The following LCMT1 variants were observed in gnomAD, a reference collection of about 807,000 sequenced individuals.
LCMT1 encodes the protein leucine carboxyl methyltransferase 1, also known as [Phosphatase 2A protein]-leucine-carboxy methyltransferase 1.
LCMT1 carries 32 observed loss-of-function variants against 47.7 expected under a neutral mutation model. The ratio of observed to expected loss-of-function variants is 0.67; its 90% CI spans 0.51 to 0.90. The LOEUF is 0.90. LCMT1 is among the 40% of genes least tolerant of loss of function. The probability of loss-of-function intolerance (pLI) is 0.00; values close to 1 mark genes in which losing one functional copy is unlikely to be tolerated. For synonymous variants in LCMT1, 152 were observed against 149.7 expected, an observed-to-expected ratio of 1.02 and a Z score of -0.11; for missense variants, 375 against 415.2, an observed-to-expected ratio of 0.90 and a Z score of 0.84.
intron 1 of LCMT1, among the ~76,000 whole-genome samples, chr16:25,115,485 C>T (rs533034955): frequency 7.2e-5 from 11 of 152,316 alleles, no homozygotes; most frequent in Admixed American, 3.3e-4. Context: ...CTTAACAGAA[C>T]CTGACTATCC....
chr16:25,126,541 T>A (rs1319518821), intron 1 of LCMT1, among the ~76,000 whole-genome samples: 1 of 152,178 alleles, frequency 6.6e-6, no homozygotes, highest in Non-Finnish European at 1.5e-5. Flanking sequence ...TTCCTCATCA[T>A]CTTGTAATTA....
intron 1 of LCMT1, among the ~76,000 whole-genome samples, chr16:25,117,073 G>T (rs1362300392): frequency 1.3e-5 from 2 of 152,150 alleles, no homozygotes; most frequent in African/African-American, 4.8e-5. Flanking sequence ...AAGGTCCCAA[G>T]GAGTATGGGT....
chr16:25,161,009 C>A, intron 5 of LCMT1, 93 bp from the exon 6 acceptor site: 2 of 700,506 alleles, frequency 2.9e-6, no homozygotes, highest in Non-Finnish European at 4.7e-6. Context: ...AACAATGATG[C>A]ATGTATTTTT....
intron 1 of LCMT1, among the ~76,000 whole-genome samples, chr16:25,121,167 C>T (rs1427410527): frequency 1.3e-5 from 2 of 151,934 alleles, no homozygotes; most frequent in Non-Finnish European, 2.9e-5. Flanking sequence ...GTGGCTCACG[C>T]CTGTAATCCC....
chr16:25,129,608 T>C (rs1657717568), intron 2 of LCMT1, among the ~76,000 whole-genome samples: 1 of 152,218 alleles, frequency 6.6e-6, no homozygotes, highest in Non-Finnish European at 1.5e-5. Flanking sequence ...CTACACTAAT[T>C]GGATAAATAT....
At chr16:25,165,504 T>A (rs1961561815) in intron 7 of LCMT1, among the ~76,000 whole-genome samples, 2 of 149,264 alleles carry the variant, frequency 1.3e-5, no homozygotes, top group Admixed American at 6.8e-5. Context: ...TGTTTCTTTC[T>A]TTCTTTTCTT....
intron 8 of LCMT1, among the ~76,000 whole-genome samples, chr16:25,169,757 CT>C (rs71156487): frequency 1.3e-5 from 2 of 151,646 alleles, no homozygotes; most frequent in Admixed American, 6.6e-5. Context: ...TTTAAAAAAC[CT>C]TTTTTTTATA....
At chr16:25,143,602 C>T (rs758640960) in intron 4 of LCMT1, 1 of 152,058 alleles carries the variant, frequency 6.6e-6, no homozygotes, top group Non-Finnish European at 1.5e-5. Flanking sequence ...ATATTTGTAC[C>T]CTAGATTTGG....
chr16:25,128,738 G>A (rs1025225131), intron 2 of LCMT1, among the ~76,000 whole-genome samples, 172 bp downstream of exon 2: 1 of 151,830 alleles, frequency 6.6e-6, no homozygotes, highest in Admixed American at 6.6e-5. Flanking sequence ...GCCATAAAAA[G>A]GAATGAGATC....
intron 9 of LCMT1, 31 bp downstream of exon 9, chr16:25,170,836 G>C: frequency 1.4e-6 from 2 of 1,435,792 alleles, no homozygotes; most frequent in Non-Finnish European, 1.9e-6. Flanking sequence ...AGCTTGATGG[G>C]CATTCATTGT....
chr16:25,142,238 G>A (rs1284713675), intron 4 of LCMT1: 1 of 152,198 alleles, frequency 6.6e-6, no homozygotes, highest in Non-Finnish European at 1.5e-5. Flanking sequence ...TTGGCATGGG[G>A]GAAAAGATAG....
In LCMT1 at chr16:25,169,158, G is replaced by GT. The variant is rs1567328589; in HGVS notation, c.737_738insT (p.Arg247GlufsTer5). ...GGGCAGATCATGATTGAAAACCTGCGGAGACGCCAGTGTGACCTGGCGGGA... is the reference window on the plus strand; with the variant it reads ...GGGCAGATCATGATTGAAAACCTGCGTGAGACGCCAGTGTGACCTGGCGGGA... On this transcript the variant is annotated frameshift_variant, in exon 8 of 11. Coordinates refer to ENST00000399069, the MANE Select transcript of LCMT1 (RefSeq NM_016309.3). LOFTEE classifies it high-confidence loss of function. 1 of 1,613,628 alleles carries GT rather than the reference G, an allele frequency of 6.2e-7. No individual in the cohort carries two copies. The highest frequency in any genetic ancestry group is 1.7e-5 in the Admixed American group (1 of 60,020).
intron 10 of LCMT1, among the ~76,000 whole-genome samples, chr16:25,177,106 G>A (rs1055054174): frequency 1.3e-5 from 2 of 149,150 alleles, no homozygotes; most frequent in Non-Finnish European, 3.0e-5. Flanking sequence ...CTTGAACCCG[G>A]GAGGCAGAAG....
Position 25,155,475 on chromosome 16 carries a change from A to G in LCMT1, c.466+3860A>G, listed in dbSNP as rs573741860. On this transcript the variant is annotated intron_variant, in intron 5 of 10. Coordinates refer to ENST00000399069, the MANE Select transcript of LCMT1 (RefSeq NM_016309.3). ...GACAGGAGGATACCTTTAGCCCAGG[A>G]GTTGTAGGCTACAGAGAGCTGTGAT... 2.0e-4 allele frequency among the ~76,000 whole-genome samples: 30 copies of G among 152,048 alleles called. No homozygotes were observed. The South Asian group carries it at 6.2e-3, about 32-fold the overall frequency.
At chr16:25,161,843 G>A (rs1215581878) in intron 6 of LCMT1, among the ~76,000 whole-genome samples, 10 of 151,564 alleles carry the variant, frequency 6.6e-5, no homozygotes, top group Non-Finnish European at 2.9e-5. Context: ...CAGAAAAATG[G>A]GCAAAATATA....
At chr16:25,156,754 C>G (rs1961267707) in intron 5 of LCMT1, among the ~76,000 whole-genome samples, 1 of 152,126 alleles carries the variant, frequency 6.6e-6, no homozygotes, top group Non-Finnish European at 1.5e-5. Context: ...TAGAACTTAC[C>G]ACACTTGCCC....
At chr16:25,112,035 G>A (rs774094193) in intron 1 of LCMT1, 39 bp downstream of exon 1, 1 of 1,418,834 alleles carries the variant, frequency 7.0e-7, no homozygotes, top group Non-Finnish European at 9.9e-7. Flanking sequence ...GGCATCTGGG[G>A]CGCGGGCCTA....
rs558577308 is a variant in LCMT1, at chr16:25,170,445, G to A, written c.793-269G>A. ...AGGATGGGCTTTTGAGAAAGGAGTC[G>A]TCTCAGAGGAGGTCTGGTGTGCTTA... On this transcript the variant is annotated intron_variant, in intron 8 of 10. Coordinates refer to ENST00000399069, the MANE Select transcript of LCMT1 (RefSeq NM_016309.3). 7.9e-5 allele frequency among the ~76,000 whole-genome samples: 12 copies of A among 152,176 alleles called. No homozygotes were observed. The South Asian group carries it at 1.5e-3, about 18-fold the overall frequency.
intron 10 of LCMT1, among the ~76,000 whole-genome samples, chr16:25,175,363 C>T (rs1007882781): frequency 2.4e-4 from 36 of 152,098 alleles, no homozygotes; most frequent in Admixed American, 5.9e-4. Flanking sequence ...GGGTCTCACA[C>T]CTGTAATCCC....
Sources: allele counts gnomAD v4.1 joint callset (sites outside exome capture counted in the v4.1 genomes callset), GRCh38; gene constraint gnomAD v4.1.1; transcripts MANE v1.5; gene names NCBI Gene and HGNC (gene_info 2026-07-23, HGNC 2026-07-21).